AGAP1: variants seen among roughly 807,000 people sequenced by gnomAD.
AGAP1 encodes arf-GAP with GTPase, ANK repeat and PH domain-containing protein 1.
Under a neutral mutation model 105.3 loss-of-function variants are expected in AGAP1, and 29 were observed. The ratio of observed to expected loss-of-function variants is 0.28; its 90% CI spans 0.21 to 0.38. The LOEUF is 0.38. Among genes scored for constraint, AGAP1 ranks in the 10% least tolerant of loss-of-function variants. AGAP1 has a pLI of 1.00. For synonymous variants in AGAP1, 509 were observed against 485.9 expected (o/e 1.05, Z -0.63); for missense variants, 998 against 1,165.1 (o/e 0.86, Z 2.09).
At position 235,884,765 on chromosome 2, in the gene AGAP1, A is replaced by G. The variant is rs552426836; in HGVS notation, c.1155+1316A>G. Among the ~76,000 whole-genome samples, 10 of 152,216 alleles carry G rather than the reference A, an allele frequency of 6.6e-5. No homozygotes were observed. The South Asian group carries it at 1.9e-3, about 28-fold the overall frequency. On this transcript the variant is annotated intron_variant, in intron 10 of 17. Transcript: ENST00000304032. ...CACCGCGCCTGGCCTTCTTTTGAAT[A>G]TTTTTAATCCATAGTTGATTGAATC...
intron 1 of AGAP1, among the ~76,000 whole-genome samples, chr2:235,629,634 C>T (rs1946759572): frequency 6.6e-6 from 1 of 151,652 alleles, no homozygotes; most frequent in Admixed American, 6.6e-5. Context: ...TTTGGAAGGC[C>T]AGGGCAGGGG....
At chr2:235,644,795 G>A (rs931977073) in intron 1 of AGAP1, among the ~76,000 whole-genome samples, 20 of 152,128 alleles carry the variant, frequency 1.3e-4, no homozygotes, top group Non-Finnish European at 2.5e-4. Context: ...ATGTGTTGAC[G>A]CTATAGCAAT....
chr2:235,868,458 A>T (rs1367207301), intron 9 of AGAP1, among the ~76,000 whole-genome samples: 1 of 152,112 alleles, frequency 6.6e-6, no homozygotes, highest in Non-Finnish European at 1.5e-5. Flanking sequence ...GTGCCTGTTG[A>T]TAATCTGATC....
chr2:235,661,885 C>T (rs980523358), intron 1 of AGAP1, among the ~76,000 whole-genome samples: 1 of 152,132 alleles, frequency 6.6e-6, no homozygotes, highest in Non-Finnish European at 1.5e-5. Flanking sequence ...GGAGGCAGCT[C>T]TGAGTTGGGA....
chr2:235,735,979 G>T (rs922548581), intron 3 of AGAP1, among the ~76,000 whole-genome samples: 17 of 152,026 alleles, frequency 1.1e-4, no homozygotes, highest in Admixed American at 1.1e-3. Flanking sequence ...AAGGGATGCG[G>T]GTTCCGTTCT....
chr2:235,707,015 C>T (rs183758096), intron 1 of AGAP1, among the ~76,000 whole-genome samples: 2 of 152,352 alleles, frequency 1.3e-5, no homozygotes, highest in East Asian at 1.9e-4. Flanking sequence ...GTGCGTTCCT[C>T]GCATCATCTG....
chr2:236,031,713 G>T lies in AGAP1; in HGVS notation c.1646-4848G>T, dbSNP rs184678200. The stretch of plus-strand genomic sequence containing the variant: ...GGGGACAGAATCTTCCACTTGCAGG[G>T]TCTCCATCATTTTTTTCTGTCCTGG... On this transcript the variant is annotated intron_variant, in intron 13 of 17. Coordinates refer to ENST00000304032, the MANE Select transcript of AGAP1 (RefSeq NM_001037131.3). 2.4e-3 allele frequency among the ~76,000 whole-genome samples: 359 copies of T among 152,204 alleles called. 2 individuals are homozygous for T. The highest frequency in any genetic ancestry group is 8.1e-3 in the African/African-American group (335 of 41,532).
At position 235,747,944 on chromosome 2, in the gene AGAP1, G is replaced by A. The variant is rs116469609; in HGVS notation, c.539-2410G>A. Among the ~76,000 whole-genome samples, 4,382 of 152,340 alleles carry A rather than the reference G, an allele frequency of 0.029. 215 individuals carry two copies. Among genetic ancestry groups the A allele is most frequent in the African/African-American group, 0.098 (4,056 of 41,560 alleles). ...TGGGGTGAGGCCTCCGCCCGCTGGCGGGAGGGGCAGCTCTGCCAGCAGGAG... is the reference window on the plus strand; with the variant it reads ...TGGGGTGAGGCCTCCGCCCGCTGGCAGGAGGGGCAGCTCTGCCAGCAGGAG... On this transcript the variant is annotated intron_variant, in intron 5 of 17. Coordinates refer to ENST00000304032, the MANE Select transcript of AGAP1 (RefSeq NM_001037131.3). The surrounding 1 kb of genome is among the most constrained non-coding windows in gnomAD (Gnocchi z 5.0).
Position 235,983,559 on chromosome 2 carries a change from T to C in AGAP1, c.1645+14936T>C, listed in dbSNP as rs780812966. Among the ~76,000 whole-genome samples, 11 of 152,176 alleles carry C rather than the reference T, an allele frequency of 7.2e-5. No individual in the cohort carries two copies. Among genetic ancestry groups the C allele is most frequent in the Non-Finnish European group, 1.2e-4 (8 of 68,032 alleles). Reference sequence around the variant, plus strand: ...TGAACTTTTTTTTATTGTGGCAAAATACAGTCATGCATCACATTACAACAT... The same window carrying C: ...TGAACTTTTTTTTATTGTGGCAAAACACAGTCATGCATCACATTACAACAT... On this transcript the variant is annotated intron_variant, in intron 13 of 17. Transcript: ENST00000304032. This position sits in a 1 kb window ranked among gnomAD's most constrained non-coding sequence, Gnocchi z 4.5.
intron 1 of AGAP1, among the ~76,000 whole-genome samples, chr2:235,649,199 G>A (rs1947497121): frequency 1.3e-5 from 2 of 152,134 alleles, no homozygotes; most frequent in African/African-American, 4.8e-5. Context: ...CTCGGGGGAG[G>A]ATTTTGTGGG....
intron 1 of AGAP1, among the ~76,000 whole-genome samples, chr2:235,513,929 A>C (rs1041230272): frequency 6.6e-6 from 1 of 152,156 alleles, no homozygotes; most frequent in African/African-American, 2.4e-5. Flanking sequence ...CCCTCCCGAG[A>C]ATGATTGAGC....
chr2:235,731,036 G>A (rs1217788248), intron 3 of AGAP1, among the ~76,000 whole-genome samples: 1 of 152,066 alleles, frequency 6.6e-6, no homozygotes, highest in Non-Finnish European at 1.5e-5. Flanking sequence ...TGCTATTCTG[G>A]ACAAAAACCT....
rs187346896 is a variant in AGAP1, at chr2:235,500,652, G to A, written c.163+5803G>A. 5.6e-4 allele frequency among the ~76,000 whole-genome samples: 85 copies of A among 152,300 alleles called. 1 individual carries two copies. Among genetic ancestry groups the A allele is most frequent in the Admixed American group, 7.2e-4 (11 of 15,304 alleles). Reference sequence around the variant, plus strand: ...GTCACGCAGGCTAAGTGTGGTGGACGAGGGACTTAAACCAGATCTGAATGG... The same window carrying A: ...GTCACGCAGGCTAAGTGTGGTGGACAAGGGACTTAAACCAGATCTGAATGG... On this transcript the variant is annotated intron_variant, in intron 1 of 17. Coordinates refer to ENST00000304032, the MANE Select transcript of AGAP1 (RefSeq NM_001037131.3).
intron 1 of AGAP1, among the ~76,000 whole-genome samples, chr2:235,506,295 G>A (rs546471729): frequency 3.9e-5 from 6 of 152,172 alleles, no homozygotes; most frequent in South Asian, 2.1e-4. Context: ...AGCCAGGTGC[G>A]GTGGCTAATG....
intron 16 of AGAP1, among the ~76,000 whole-genome samples, chr2:236,099,426 G>A (rs1211701561): frequency 6.6e-6 from 1 of 151,822 alleles, no homozygotes; most frequent in African/African-American, 2.4e-5. Flanking sequence ...CTGCACTCCA[G>A]CCTGGGCGAC....
At position 236,056,702 on chromosome 2, in the gene AGAP1, T is replaced by C. The variant is rs1301496667; in HGVS notation, c.2114+7421T>C. Among the ~76,000 whole-genome samples, 1 of 152,182 alleles carries C rather than the reference T, an allele frequency of 6.6e-6. No individual in the cohort carries two copies. The highest frequency in any genetic ancestry group is 1.5e-5 in the Non-Finnish European group (1 of 68,032). On this transcript the variant is annotated intron_variant, in intron 16 of 17. Coordinates refer to ENST00000304032, the MANE Select transcript of AGAP1 (RefSeq NM_001037131.3). This position sits in a 1 kb window ranked among gnomAD's most constrained non-coding sequence, Gnocchi z 4.6. ...TCTTCTAGTGAACTTTTCTCTTTCT[T>C]CTTCTTAATGAAGAGGAGGGAGACA... is the stretch of plus-strand genomic sequence containing the variant.
In AGAP1 at chr2:235,616,199, A is replaced by G. The variant is rs182509112; in HGVS notation, c.164-92980A>G. ...AACATGGTGAAACCCTATCTCTACT[A>G]AAAATACAGAAATTAGCTGGGTGTG... On this transcript the variant is annotated intron_variant, in intron 1 of 17. Coordinates refer to ENST00000304032, the MANE Select transcript of AGAP1 (RefSeq NM_001037131.3). Among the ~76,000 whole-genome samples, 33 of 152,156 alleles carry G rather than the reference A, an allele frequency of 2.2e-4. 1 individual carries two copies. Among genetic ancestry groups the G allele is most frequent in the East Asian group, 1.2e-3 (6 of 5,144 alleles).
chr2:235,778,428 G>C (rs1160596597), intron 6 of AGAP1, among the ~76,000 whole-genome samples: 1 of 152,178 alleles, frequency 6.6e-6, no homozygotes, highest in African/African-American at 2.4e-5. Flanking sequence ...TGGGTCCTGA[G>C]AGCCAGAAGG....
At position 235,882,246 on chromosome 2, in the gene AGAP1, C is replaced by T. The variant is rs1036270329; in HGVS notation, c.1051-1099C>T. ...GACCCACAGGCCAGTGGCATCGGTGCAGAGTGCCCAGGTTCACAATGCAGC... is the reference window on the plus strand; with the variant it reads ...GACCCACAGGCCAGTGGCATCGGTGTAGAGTGCCCAGGTTCACAATGCAGC... On this transcript the variant is annotated intron_variant, in intron 9 of 17. Transcript: ENST00000304032. The surrounding 1 kb of genome is among the most constrained non-coding windows in gnomAD (Gnocchi z 4.6). 4.1e-5 allele frequency: 20 copies of T among 485,574 alleles called. No individual in the cohort carries two copies. The Middle Eastern group carries it at 1.8e-3, about 44-fold the overall frequency. The allele number at this position is 485,574 out of a possible 1,614,324, so 30.1% of individuals were successfully genotyped here. A position where few individuals can be genotyped will look rare whatever the true frequency, so the allele number is the denominator to read the frequency against.
Sources: gnomAD v4.1 joint callset for allele counts (sites outside exome capture counted in the v4.1 genomes callset) on GRCh38, gnomAD v4.1.1 for gene constraint, Gnocchi (gnomAD v3.1) non-coding constraint, MANE v1.5 for transcripts, NCBI Gene and HGNC (gene_info 2026-07-23, HGNC 2026-07-21) for gene names.